MIA3: variants seen among roughly 807,000 people sequenced by gnomAD.
MIA3 encodes the protein MIA SH3 domain ER export factor 3.
A neutral mutation model predicts 192.4 loss-of-function variants in MIA3; 90 were observed. The observed-to-expected ratio is 0.47, with a 90% CI of 0.39 to 0.56. MIA3 has a LOEUF of 0.56. MIA3 is among the 20% of genes least tolerant of loss of function. MIA3 has a pLI of 0.00. For missense variants in MIA3, 2,123 were observed against 2,269.4 expected (o/e 0.94, Z 1.31); for synonymous variants, 740 against 792.8 (o/e 0.93, Z 1.12).
chr1:222,658,875 CT>C, intron 19 of MIA3, 52 bp downstream of exon 19: 8 of 1,227,278 alleles, frequency 6.5e-6, no homozygotes, highest in Admixed American at 2.0e-5. Context: ...CTAGTGTTGG[CT>C]TTTTTTATTA....
chr1:222,641,176 C>G lies in MIA3; in HGVS notation c.3478-4378C>G, dbSNP rs115949907. Reference sequence around the variant, plus strand: ...TTGTCAGTTTCTTAAGAAGGTAAACCTACACTGGTCATATGATCCAGCCAT... The same window carrying G: ...TTGTCAGTTTCTTAAGAAGGTAAACGTACACTGGTCATATGATCCAGCCAT... On this transcript the variant is annotated intron_variant, in intron 6 of 27. Transcript: ENST00000344922. 8.1e-4 allele frequency among the ~76,000 whole-genome samples: 124 copies of G among 152,324 alleles called. 1 individual carries two copies. Among genetic ancestry groups the G allele is most frequent in the African/African-American group, 2.9e-3 (122 of 41,568 alleles).
chr1:222,644,291 G>A (rs1292357905), intron 6 of MIA3: 3 of 1,410,490 alleles, frequency 2.1e-6, no homozygotes, highest in Non-Finnish European at 2.8e-6. Context: ...TGCGCCAGGG[G>A]CAGTGGCTGA....
At chr1:222,650,558 GGTCA>G in intron 9 of MIA3, 72 bp from the exon 10 acceptor site, 1 of 1,046,088 alleles carries the variant, frequency 9.6e-7, no homozygotes, top group Non-Finnish European at 1.4e-6. Flanking sequence ...TTCTGTAAGA[GGTCA>G]GTCACTTGAA....
chr1:222,635,547 A>G (rs1447730081), intron 6 of MIA3, among the ~76,000 whole-genome samples: 1 of 152,230 alleles, frequency 6.6e-6, no homozygotes, highest in African/African-American at 2.4e-5. Context: ...CTGACTTTTG[A>G]AAGTCTTCAA....
chr1:222,636,662 G>A (rs1392581826), intron 6 of MIA3, among the ~76,000 whole-genome samples: 4 of 151,826 alleles, frequency 2.6e-5, no homozygotes, highest in African/African-American at 9.7e-5. Context: ...ACAGGCACCC[G>A]CCACCACACC....
chr1:222,647,628 A>G (rs939554797), intron 7 of MIA3, among the ~76,000 whole-genome samples: 1 of 152,066 alleles, frequency 6.6e-6, no homozygotes, highest in Non-Finnish European at 1.5e-5. Flanking sequence ...TACATTTCCC[A>G]CTCTTGTTTC....
intron 8 of MIA3, 91 bp downstream of exon 8, chr1:222,648,941 T>C: frequency 1.2e-6 from 1 of 843,172 alleles, no homozygotes; most frequent in Non-Finnish European, 1.9e-6. Context: ...TAGTAACTTC[T>C]GATGTCTGAC....
At chr1:222,627,489 A>G in intron 3 of MIA3, 86 bp from the exon 4 acceptor site, 2 of 1,177,214 alleles carry the variant, frequency 1.7e-6, no homozygotes, top group Non-Finnish European at 2.4e-6. Context: ...CGTGAATTCG[A>G]GATTATCTCA....
chr1:222,624,983 G>T (rs1662042853), intron 3 of MIA3, 129 bp downstream of exon 3: 1 of 531,414 alleles, frequency 1.9e-6, no homozygotes, highest in South Asian at 2.1e-5. Context: ...CTAATATATG[G>T]AAATAGATGT....
chr1:222,658,865 C>G, intron 19 of MIA3, 42 bp downstream of exon 19: 1 of 1,325,170 alleles, frequency 7.5e-7, no homozygotes, highest in South Asian at 1.2e-5. Flanking sequence ...GCTAATGAAA[C>G]TAGTGTTGGC....
intron 3 of MIA3, among the ~76,000 whole-genome samples, chr1:222,626,155 C>T (rs999892487): frequency 6.6e-6 from 1 of 152,302 alleles, no homozygotes; most frequent in South Asian, 2.1e-4. Flanking sequence ...TGCTGCAGAG[C>T]GTGCAAGCTG....
rs1309861154 is a variant in MIA3 at position 222,629,424 on chromosome 1, A to G, written c.2204A>G (p.Asn735Ser). 1.9e-6 allele frequency: 3 copies of G among 1,614,232 alleles called. No homozygotes were observed. The highest frequency in any genetic ancestry group is 2.2e-5 in the East Asian group (1 of 44,890). The part of the protein sequence containing the change: ...YPSEELLEDE[N>S]AINAKRSKEK... ...TCTGAAGAACTACTAGAGGATGAAA[A>G]CGCTATAAATGCAAAACGGTCTAAA... The change falls in exon 4 of 28, where the codon AAC becomes AGC. Residue 735 changes from asparagine (N) to serine (S), a missense_variant. Physicochemically the swap from Asn to Ser is conservative, Grantham distance 46. Around this residue, in one of 3 missense-constraint regions of MIA3, gnomAD observed 1,357 missense variants for 1,396.1 expected, o/e 0.97. Transcript: ENST00000344922.
In MIA3 at chr1:222,666,736, A is replaced by G. The variant is rs1664308972; in HGVS notation, c.*1117A>G. The G allele has an allele frequency of 6.6e-6, 1 of 152,020 alleles. No homozygotes were observed. Among genetic ancestry groups the G allele is most frequent in the South Asian group, 2.1e-4 (1 of 4,826 alleles). 9.4% of individuals were successfully genotyped at this position (152,020 alleles called of 1,614,324 possible). On this transcript the variant is annotated 3_prime_UTR_variant, in exon 28 of 28. Transcript: ENST00000344922. Reference sequence around the variant, plus strand: ...AGATATTATTCCAAAATTAATATTAATTAATATTTAAACGTTGGTGTTTTT... The same window carrying G: ...AGATATTATTCCAAAATTAATATTAGTTAATATTTAAACGTTGGTGTTTTT...
chr1:222,656,997 G>A (rs543413963), intron 18 of MIA3, among the ~76,000 whole-genome samples: 1 of 152,292 alleles, frequency 6.6e-6, no homozygotes, highest in African/African-American at 2.4e-5. Flanking sequence ...GATCCCTTAT[G>A]AGTGTGTTTC....
At chr1:222,626,914 C>A (rs994262409) in intron 3 of MIA3, among the ~76,000 whole-genome samples, 8 of 152,148 alleles carry the variant, frequency 5.3e-5, no homozygotes, top group African/African-American at 1.9e-4. Context: ...ACATAGAGGG[C>A]ACAATGTAGA....
intron 2 of MIA3, among the ~76,000 whole-genome samples, chr1:222,624,225 A>G (rs1050883870): frequency 6.6e-6 from 1 of 152,266 alleles, no homozygotes; most frequent in East Asian, 1.9e-4. Flanking sequence ...AACATACACA[A>G]ATCTGTATAA....
chr1:222,652,389 C>A, intron 13 of MIA3, 57 bp downstream of exon 13: 1 of 1,045,084 alleles, frequency 9.6e-7, no homozygotes, highest in Middle Eastern at 2.0e-4. Context: ...TATCATACCT[C>A]ATGAATGCCT....
intron 3 of MIA3, among the ~76,000 whole-genome samples, chr1:222,627,039 C>T (rs1184178901): frequency 6.6e-6 from 1 of 152,206 alleles, no homozygotes; most frequent in Non-Finnish European, 1.5e-5. Context: ...CTTTTCCCCA[C>T]CTGTGCTCAA....
chr1:222,651,009 G>A lies in MIA3; in HGVS notation c.3909+106G>A, dbSNP rs375917876. 210 of 668,428 alleles carry A rather than the reference G, an allele frequency of 3.1e-4. 3 individuals are homozygous for A. The East Asian group carries it at 5.8e-3, about 18-fold the overall frequency. The allele number at this position is 668,428 out of a possible 1,614,324, so 41.4% of individuals were successfully genotyped here. ...ATGCTGTTATGTGAAGTAAGAGTGC[G>A]AGTCAGGGAAGTTGAACCTACTTCT... is the stretch of plus-strand genomic sequence containing the variant. On this transcript the variant is annotated intron_variant, in intron 11 of 27. Transcript: ENST00000344922.
Sources: gnomAD v4.1 joint callset for allele counts (sites outside exome capture counted in the v4.1 genomes callset) on GRCh38, gnomAD v4.1.1 for gene constraint, gnomAD v4.1.1 regional missense constraint, MANE v1.5 for transcripts, NCBI Gene and HGNC (gene_info 2026-07-23, HGNC 2026-07-21) for gene names.